The following PSMA6 variants were observed in gnomAD, a reference collection of about 807,000 sequenced individuals.
The protein encoded by PSMA6 is proteasome subunit alpha type-6.
For missense variants in PSMA6, 170 were observed against 294.8 expected (o/e 0.58, Z 3.10); for synonymous variants, 88 against 97.7 (o/e 0.90, Z 0.59).
At chr14:35,296,180 C>T (rs1231896091) in intron 1 of PSMA6, among the ~76,000 whole-genome samples, 1 of 152,072 alleles carries the variant, frequency 6.6e-6, no homozygotes, top group Non-Finnish European at 1.5e-5. Flanking sequence ...TACTGCATAC[C>T]AACTCTAAGA....
At chr14:35,288,997 T>C (rs1188239614), upstream of PSMA6, among the ~76,000 whole-genome samples, 2 of 152,172 alleles carry the variant, frequency 1.3e-5, no homozygotes, top group African/African-American at 4.8e-5. Flanking sequence ...TTATCATTAG[T>C]GTTAGTGTAG....
intron 1 of PSMA6, among the ~76,000 whole-genome samples, chr14:35,303,471 CA>C (rs1444125779): frequency 1.3e-5 from 2 of 152,174 alleles, no homozygotes; most frequent in African/African-American, 2.4e-5. Flanking sequence ...TGTGGGAGTT[CA>C]GCCTTTACTG....
chr14:35,298,238 C>T (rs2051636370), intron 1 of PSMA6, among the ~76,000 whole-genome samples: 1 of 151,996 alleles, frequency 6.6e-6, no homozygotes, highest in African/African-American at 2.4e-5. Context: ...ACCTGTAATC[C>T]CAGCACTTTG....
Position 35,314,322 on chromosome 14 carries a change from A to G in PSMA6, c.589-39A>G, listed in dbSNP as rs116556289. ...GGAATGAGAAAACCTTGGAATCTCT[A>G]AAAAATACTATATTTTAACATTAAA... On this transcript the variant is annotated intron_variant, in intron 5 of 6. Coordinates refer to ENST00000261479, the MANE Select transcript of PSMA6 (RefSeq NM_002791.3). The G allele has an allele frequency of 3.5e-3, 5,384 of 1,525,838 alleles. 171 individuals are homozygous for G. The African/African-American group carries it at 0.068, about 19-fold the overall frequency. The allele number at this position is 1,525,838 out of a possible 1,614,324, so 94.5% of individuals were successfully genotyped here. A position where few individuals can be genotyped will look rare whatever the true frequency, so the allele number is the denominator to read the frequency against.
chr14:35,312,456 G>A (rs1030593045), intron 4 of PSMA6, among the ~76,000 whole-genome samples: 5 of 143,244 alleles, frequency 3.5e-5, no homozygotes, highest in Admixed American at 1.4e-4. Context: ...GCAGTGAGCC[G>A]AGATCGTGCC....
chr14:35,292,743 A>C lies in PSMA6; in HGVS notation c.76+191A>C. ...TCTGGACGCAGGGATCGGGGGCCTGAAGGCCTGTCTCTGCAGGGCGAGCGG... is the reference window on the plus strand; with the variant it reads ...TCTGGACGCAGGGATCGGGGGCCTGCAGGCCTGTCTCTGCAGGGCGAGCGG... On this transcript the variant is annotated intron_variant, in intron 1 of 6. Transcript: ENST00000261479. 3 of 1,112,382 alleles carry C rather than the reference A, an allele frequency of 2.7e-6. No homozygotes were observed. The South Asian group carries it at 4.9e-5, about 18-fold the overall frequency. 68.9% of individuals were successfully genotyped at this position (1,112,382 alleles called of 1,614,324 possible).
At chr14:35,292,346 G>C (rs765225332), upstream of PSMA6, 5 of 1,514,494 alleles carry the variant, frequency 3.3e-6, no homozygotes, top group Admixed American at 2.2e-5. Context: ...CCGTGAGTTC[G>C]GCATGCAAGA....
At chr14:35,315,370 C>G (rs1308305889) in intron 6 of PSMA6, 2 of 149,670 alleles carry the variant, frequency 1.3e-5, no homozygotes, top group Non-Finnish European at 3.0e-5. Context: ...ATAAACATGA[C>G]AGATTCAGAA....
Position 35,309,074 on chromosome 14 carries a change from G to T in PSMA6, c.253+79G>T. 3 of 1,155,040 alleles carry T rather than the reference G, an allele frequency of 2.6e-6. No individual in the cohort carries two copies. In the South Asian group the frequency reaches 4.3e-5, roughly 16 times the overall value. The allele number at this position is 1,155,040 out of a possible 1,614,324, so 71.5% of individuals were successfully genotyped here. A position where few individuals can be genotyped will look rare whatever the true frequency, so the allele number is the denominator to read the frequency against. On this transcript the variant is annotated intron_variant, in intron 3 of 6. Coordinates refer to ENST00000261479, the MANE Select transcript of PSMA6 (RefSeq NM_002791.3). ...TTTTCTTCAAATTATTTTGAGTTTT[G>T]TATTAATTTTAAACTTATTGCCTGA...
Position 35,296,237 on chromosome 14 carries a change from C to T in PSMA6, c.76+3685C>T, listed in dbSNP as rs115212114. ...GATAATAACCACCTACCTTATAGGGCTTTAAGGATTTAATTAGTTAATAAA... is the reference window on the plus strand; with the variant it reads ...GATAATAACCACCTACCTTATAGGGTTTTAAGGATTTAATTAGTTAATAAA... On this transcript the variant is annotated intron_variant, in intron 1 of 6. Coordinates refer to ENST00000261479, the MANE Select transcript of PSMA6 (RefSeq NM_002791.3). Among the ~76,000 whole-genome samples the T allele has an allele frequency of 5.7e-3, 861 of 152,220 alleles. 7 individuals are homozygous for T. Among genetic ancestry groups the T allele is most frequent in the African/African-American group, 0.02 (815 of 41,532 alleles).
intron 6 of PSMA6, chr14:35,316,427 A>G (rs9322946): frequency 0.048 from 7,296 of 151,690 alleles, 256 homozygotes; most frequent in African/African-American, 0.096. Flanking sequence ...TATGTTCAAC[A>G]TGGAGCACTC....
intron 1 of PSMA6, chr14:35,293,194 G>T (rs952785869): frequency 9.0e-6 from 3 of 332,184 alleles, no homozygotes; most frequent in Non-Finnish European, 1.8e-5. Context: ...TTCTAGAGCT[G>T]CTCTTGAGAT....
intron 4 of PSMA6, among the ~76,000 whole-genome samples, chr14:35,311,268 A>G (rs1430605915): frequency 6.6e-6 from 1 of 152,234 alleles, no homozygotes; most frequent in Non-Finnish European, 1.5e-5. Context: ...TGACCACCCT[A>G]AAGAATTAGG....
chr14:35,307,843 T>G (rs77234193), intron 1 of PSMA6, 151 bp from the exon 2 acceptor site: 2 of 617,716 alleles, frequency 3.2e-6, no homozygotes. Context: ...CTTGTGGTCA[T>G]TATTATTATT....
At chr14:35,290,416 C>T (rs2051465054), upstream of PSMA6, among the ~76,000 whole-genome samples, 1 of 152,182 alleles carries the variant, frequency 6.6e-6, no homozygotes, top group Non-Finnish European at 1.5e-5. Flanking sequence ...TTTTATCAGT[C>T]CACTTGGGAA....
At chr14:35,291,482 A>G (rs947583494), upstream of PSMA6, among the ~76,000 whole-genome samples, 6 of 151,524 alleles carry the variant, frequency 4.0e-5, no homozygotes, top group African/African-American at 1.5e-4. Flanking sequence ...GGTCTCCCAA[A>G]GTGCTGGGAT....
At chr14:35,305,438 G>A (rs555161855) in intron 1 of PSMA6, among the ~76,000 whole-genome samples, 2 of 152,292 alleles carry the variant, frequency 1.3e-5, no homozygotes, top group South Asian at 4.1e-4. Flanking sequence ...ACCCAGCTGA[G>A]GATTTCCTTT....
At chr14:35,279,259 C>G (rs2051339779) in intron 1 of PSMA6, among the ~76,000 whole-genome samples, 1 of 152,102 alleles carries the variant, frequency 6.6e-6, no homozygotes, top group African/African-American at 2.4e-5. Context: ...GTTGGTCAGG[C>G]TAGTCTCGAA....
chr14:35,293,156 T>C (rs1193166326), intron 1 of PSMA6: 3 of 379,484 alleles, frequency 7.9e-6, no homozygotes, highest in Non-Finnish European at 1.6e-5. Flanking sequence ...AAGACATCTT[T>C]GGGAATCTGA....
Sources: gnomAD v4.1 joint callset for allele counts (sites outside exome capture counted in the v4.1 genomes callset) on GRCh38, gnomAD v4.1.1 for gene constraint, MANE v1.5 for transcripts, NCBI Gene and HGNC (gene_info 2026-07-23, HGNC 2026-07-21) for gene names.